Variants in NDST3 observed in about 807,000 individuals in gnomAD.
NDST3 encodes bifunctional heparan sulfate N-deacetylase/N-sulfotransferase 3.
A neutral mutation model predicts 96.1 loss-of-function variants in NDST3; 58 were observed. The observed-to-expected ratio is 0.60, with a 90% CI of 0.49 to 0.75. The LOEUF is 0.75. Ranked by LOEUF, NDST3 falls within the 30% of genes least tolerant of loss-of-function variation. NDST3 has a pLI of 0.00. For synonymous variants in NDST3, 333 were observed against 359.7 expected (o/e 0.93, Z 0.84); for missense variants, 788 against 1,034.2 (o/e 0.76, Z 3.27).
intron 2 of NDST3, among the ~76,000 whole-genome samples, chr4:118,070,004 C>T (rs1429172680): frequency 2.6e-5 from 4 of 152,036 alleles, no homozygotes; most frequent in African/African-American, 9.7e-5. Context: ...GGTTGTAGCA[C>T]CTGGTACAGT....
At chr4:118,224,975 A>G (rs1180241880) in intron 7 of NDST3, among the ~76,000 whole-genome samples, 2 of 152,192 alleles carry the variant, frequency 1.3e-5, no homozygotes, top group Non-Finnish European at 2.9e-5. Context: ...AGGCTGGAAG[A>G]GTAGAAGATG....
chr4:118,122,524 C>G (rs1463975644), intron 4 of NDST3, among the ~76,000 whole-genome samples: 1 of 152,022 alleles, frequency 6.6e-6, no homozygotes, highest in African/African-American at 2.4e-5. Flanking sequence ...TGCTCCTTTT[C>G]AAAATTTTCC....
chr4:118,066,185 TATCTTA>T (rs1726357035), intron 2 of NDST3, among the ~76,000 whole-genome samples: 1 of 16,292 alleles, frequency 6.1e-5, no homozygotes, highest in Non-Finnish European at 1.7e-4. Flanking sequence ...ATATATTATA[TATCTTA>T]TATATTATAT....
chr4:118,096,267 T>C (rs1021587988), intron 2 of NDST3, among the ~76,000 whole-genome samples: 8 of 151,864 alleles, frequency 5.3e-5, no homozygotes, highest in Non-Finnish European at 8.8e-5. Flanking sequence ...ATTGAATGCA[T>C]GTCACTTTTA....
intron 2 of NDST3, among the ~76,000 whole-genome samples, chr4:118,090,204 A>G (rs1013046272): frequency 6.6e-6 from 1 of 152,036 alleles, no homozygotes; most frequent in Non-Finnish European, 1.5e-5. Context: ...TCCTGCTGAC[A>G]GAGCTTGGAA....
chr4:118,125,806 C>G (rs1043678575), intron 4 of NDST3, among the ~76,000 whole-genome samples: 1 of 151,918 alleles, frequency 6.6e-6, no homozygotes, highest in Admixed American at 6.6e-5. Context: ...CAAACCATAC[C>G]AGAAATATTA....
chr4:118,145,830 T>A (rs1733900082), intron 6 of NDST3, among the ~76,000 whole-genome samples: 1 of 152,112 alleles, frequency 6.6e-6, no homozygotes, highest in Non-Finnish European at 1.5e-5. Flanking sequence ...AAATGACAAA[T>A]CTTGTCAGAT....
intron 6 of NDST3, among the ~76,000 whole-genome samples, chr4:118,212,938 T>C (rs1738901896): frequency 6.6e-6 from 1 of 152,340 alleles, no homozygotes; most frequent in Admixed American, 6.5e-5. Context: ...ACTTTTAGCA[T>C]GTATTATCTC....
intron 12 of NDST3, among the ~76,000 whole-genome samples, chr4:118,244,288 G>A (rs1436459598): frequency 6.6e-6 from 1 of 152,134 alleles, no homozygotes; most frequent in Non-Finnish European, 1.5e-5. Context: ...TCACAATTTA[G>A]TTACTCCTAT....
At chr4:118,113,258 G>T (rs1273576382) in intron 3 of NDST3, among the ~76,000 whole-genome samples, 1 of 152,090 alleles carries the variant, frequency 6.6e-6, no homozygotes, top group South Asian at 2.1e-4. Flanking sequence ...GACTCCAAAG[G>T]CTACACTTGT....
chr4:118,207,573 A>C lies in NDST3; in HGVS notation c.1540-16918A>C, dbSNP rs922137972. Among the ~76,000 whole-genome samples the C allele has an allele frequency of 6.2e-5, 9 of 145,290 alleles. 1 individual carries two copies. Among genetic ancestry groups the C allele is most frequent in the African/African-American group, 2.0e-4 (8 of 39,522 alleles). ...ACAGTAAAAACAAAAAACTTCTTTCAAAGTTTTATCTAAAGCTCCAATGGC... is the reference window on the plus strand; with the variant it reads ...ACAGTAAAAACAAAAAACTTCTTTCCAAGTTTTATCTAAAGCTCCAATGGC... On this transcript the variant is annotated intron_variant, in intron 6 of 13. Coordinates refer to ENST00000296499, the MANE Select transcript of NDST3 (RefSeq NM_004784.3).
chr4:118,224,533 C>T lies in NDST3; in HGVS notation c.1582C>T (p.Arg528Ter), dbSNP rs144543137. 1.5e-5 allele frequency: 24 copies of T among 1,609,632 alleles called. No individual in the cohort carries two copies. Among genetic ancestry groups the T allele is most frequent in the Admixed American group, 3.4e-5 (2 of 59,492 alleles). Residue 528 changes from arginine to a stop codon, truncating the protein, a stop_gained, in exon 7 of 14, where the codon CGA (arginine) becomes TGA (stop). Transcript: ENST00000296499. LOFTEE classifies it high-confidence loss of function. The part of the protein sequence containing the change: ...MTHLSNYGND[R>*]LGLYTFVNLA... ...CCATTTGTCCAACTATGGGAATGAC[C>T]GACTGGGATTATATACATTTGTTAA...
intron 4 of NDST3, among the ~76,000 whole-genome samples, chr4:118,131,114 C>G (rs908087207): frequency 2.6e-4 from 39 of 152,096 alleles, no homozygotes; most frequent in Non-Finnish European, 1.2e-4. Flanking sequence ...ATCTCTTTCT[C>G]CAGGTTTGGG....
At chr4:118,197,608 G>T (rs151213600) in intron 6 of NDST3, among the ~76,000 whole-genome samples, 3,065 of 151,888 alleles carry the variant, frequency 0.02, 42 homozygotes, top group South Asian at 0.034. Context: ...AATCTATTTT[G>T]TCTGATATGA....
At chr4:118,140,241 T>A (rs949064253) in intron 5 of NDST3, among the ~76,000 whole-genome samples, 8 of 152,334 alleles carry the variant, frequency 5.3e-5, no homozygotes, top group African/African-American at 1.9e-4. Context: ...TATTCTTCAA[T>A]ATCAAATCCC....
intron 2 of NDST3, among the ~76,000 whole-genome samples, chr4:118,088,924 T>C (rs980953171): frequency 1.3e-5 from 2 of 151,928 alleles, no homozygotes; most frequent in Non-Finnish European, 2.9e-5. Flanking sequence ...CCCCTTAAGA[T>C]AGACAAAAGA....
chr4:118,194,066 G>A, intron 6 of NDST3: 1 of 1,447,676 alleles, frequency 6.9e-7, no homozygotes, highest in Non-Finnish European at 9.6e-7. Context: ...CTAGGCATTT[G>A]GTGGGATTTG....
intron 1 of NDST3, among the ~76,000 whole-genome samples, chr4:118,050,518 A>G (rs540162625): frequency 3.9e-5 from 6 of 152,326 alleles, no homozygotes; most frequent in Non-Finnish European, 8.8e-5. Context: ...TGACTTCAGG[A>G]AAGTTTCAGG....
chr4:118,253,573 G>T lies in NDST3; in HGVS notation c.2474G>T (p.Gly825Val), dbSNP rs1224084118. Residue 825 changes from glycine to valine, a missense_variant, in exon 13 of 14, where the codon GGA becomes GTA. Transcript: ENST00000296499. ...GKTKCLGKSK[G>V]RKYPPMDSDS... The stretch of plus-strand genomic sequence containing the variant: ...ACAAAATGCCTTGGAAAGAGCAAAG[G>T]AAGAAAATACCCTCCAATGGATTCT... The T allele has an allele frequency of 6.2e-7, 1 of 1,611,816 alleles. No individual in the cohort carries two copies. Among genetic ancestry groups the T allele is most frequent in the Admixed American group, 1.7e-5 (1 of 59,956 alleles).
Sources: allele counts gnomAD v4.1 joint callset (sites outside exome capture counted in the v4.1 genomes callset), GRCh38; gene constraint gnomAD v4.1.1; transcripts MANE v1.5; gene names NCBI Gene and HGNC (gene_info 2026-07-23, HGNC 2026-07-21).